Variants in CSGALNACT1 observed in about 807,000 individuals in gnomAD.
CSGALNACT1 encodes the protein chondroitin sulfate N-acetylgalactosaminyltransferase 1.
Under a neutral mutation model 51.0 loss-of-function variants are expected in CSGALNACT1, and 52 were observed. That is an observed-to-expected ratio of 1.02 (90% CI 0.82 to 1.29). The LOEUF (loss-of-function observed/expected upper bound fraction) is 1.29, where lower values mean the gene tolerates loss of function less well. Among genes scored for constraint, CSGALNACT1 ranks in the 50% most tolerant of loss-of-function variants. The pLI, the probability that CSGALNACT1 is intolerant of heterozygous loss-of-function variation, is 0.00. For missense variants in CSGALNACT1, 935 were observed against 679.2 expected (o/e 1.38, Z -4.19); for synonymous variants, 341 against 254.4 (o/e 1.34, Z -3.24).
intron 4 of CSGALNACT1, among the ~76,000 whole-genome samples, chr8:19,474,878 AAAAAAAAAG>A (rs1164091186): frequency 1.3e-5 from 2 of 150,702 alleles, no homozygotes; most frequent in African/African-American, 4.9e-5. Flanking sequence ...AGAAAAAAAA[AAAAAAAAAG>A]AAAAAAAAAA....
intron 1 of CSGALNACT1, among the ~76,000 whole-genome samples, chr8:19,697,776 G>T (rs2061657890): frequency 6.6e-6 from 1 of 152,154 alleles, no homozygotes; most frequent in Non-Finnish European, 1.5e-5. Context: ...GGACTCTGGA[G>T]TTCAGAAAAA....
chr8:19,534,356 C>A (rs1036638110), intron 3 of CSGALNACT1, among the ~76,000 whole-genome samples: 1 of 151,960 alleles, frequency 6.6e-6, no homozygotes, highest in Non-Finnish European at 1.5e-5. Context: ...GAGGCTGAGG[C>A]AGCAGAATAG....
intron 3 of CSGALNACT1, among the ~76,000 whole-genome samples, chr8:19,549,513 C>T (rs1267677991): frequency 1.3e-5 from 2 of 152,056 alleles, no homozygotes; most frequent in African/African-American, 2.4e-5. Flanking sequence ...TTTCCTCAGG[C>T]CATCCTTCCT....
chr8:19,434,006 G>C (rs903720770), intron 6 of CSGALNACT1, among the ~76,000 whole-genome samples: 1 of 152,128 alleles, frequency 6.6e-6, no homozygotes, highest in South Asian at 2.1e-4. Context: ...TGGAGTCAGG[G>C]ATGGGAATAG....
intron 1 of CSGALNACT1, among the ~76,000 whole-genome samples, chr8:19,715,472 T>C (rs2062752710): frequency 6.6e-6 from 1 of 152,242 alleles, no homozygotes; most frequent in Non-Finnish European, 1.5e-5. Context: ...TTCCTTTTTA[T>C]GGCTGCATAG....
At chr8:19,463,095 A>G (rs147740291) in intron 4 of CSGALNACT1, among the ~76,000 whole-genome samples, 46 of 152,234 alleles carry the variant, frequency 3.0e-4, no homozygotes, top group Non-Finnish European at 6.0e-4. Context: ...CGGTTTCTGC[A>G]TTCACTTAGA....
intron 1 of CSGALNACT1, among the ~76,000 whole-genome samples, chr8:19,695,391 T>C (rs1246268313): frequency 2.6e-5 from 4 of 152,154 alleles, no homozygotes. Flanking sequence ...GGGTCTTATC[T>C]CTACTCTGCC....
intron 8 of CSGALNACT1, among the ~76,000 whole-genome samples, chr8:19,411,143 C>T (rs1324838483): frequency 6.6e-6 from 1 of 152,200 alleles, no homozygotes; most frequent in Non-Finnish European, 1.5e-5. Flanking sequence ...CACCCTTTCC[C>T]CACACACCAC....
At chr8:19,523,275 C>T (rs1385059981) in intron 3 of CSGALNACT1, among the ~76,000 whole-genome samples, 1 of 152,052 alleles carries the variant, frequency 6.6e-6, no homozygotes, top group Non-Finnish European at 1.5e-5. Flanking sequence ...TTTTTACTTA[C>T]TTATTTGGAG....
upstream of CSGALNACT1, among the ~76,000 whole-genome samples, chr8:19,604,890 G>A (rs2051137954): frequency 6.7e-6 from 1 of 149,096 alleles, no homozygotes; most frequent in Non-Finnish European, 1.5e-5. Context: ...CCTCCAGCCT[G>A]GGCGACAGAG....
chr8:19,479,415 G>A, intron 4 of CSGALNACT1, among the ~76,000 whole-genome samples: 1 of 152,214 alleles, frequency 6.6e-6, no homozygotes, highest in East Asian at 1.9e-4. Flanking sequence ...CAGTAGTCCA[G>A]GCTGGCCTTT....
At chr8:19,658,836 A>G (rs1470467413) in intron 1 of CSGALNACT1, among the ~76,000 whole-genome samples, 1 of 152,168 alleles carries the variant, frequency 6.6e-6, no homozygotes, top group Non-Finnish European at 1.5e-5. Flanking sequence ...CAACTACTTT[A>G]AGGGAATTGA....
chr8:19,655,577 C>CATATAT (rs746855609), intron 1 of CSGALNACT1, among the ~76,000 whole-genome samples: 8 of 147,538 alleles, frequency 5.4e-5, no homozygotes, highest in African/African-American at 2.0e-4. Flanking sequence ...CACACACACA[C>CATATAT]ACATATATAT....
At chr8:19,707,254 C>T (rs987323150) in intron 1 of CSGALNACT1, among the ~76,000 whole-genome samples, 1 of 152,158 alleles carries the variant, frequency 6.6e-6, no homozygotes, top group Non-Finnish European at 1.5e-5. Flanking sequence ...TCAAGCAGTT[C>T]TACATCCATA....
At chr8:19,675,390 T>C (rs1260908305) in intron 1 of CSGALNACT1, among the ~76,000 whole-genome samples, 1 of 152,046 alleles carries the variant, frequency 6.6e-6, no homozygotes, top group Non-Finnish European at 1.5e-5. Flanking sequence ...ATCAGATAAA[T>C]CTTACAGAAA....
Position 19,620,925 on chromosome 8 carries a change from C to T in CSGALNACT1, c.-543-19060G>A, listed in dbSNP as rs2053743271. Among the ~76,000 whole-genome samples, 3 of 152,130 alleles carry T rather than the reference C, an allele frequency of 2.0e-5. No homozygotes were observed. The South Asian group carries it at 6.2e-4, about 32-fold the overall frequency. On this transcript the variant is annotated intron_variant, in intron 1 of 9. Transcript: ENST00000332246. Reference sequence around the variant, plus strand: ...AAGTGGGGGCTGTGAGATACTCTCACACCCCAAATCTGCTAGAAGAACAGT... The same window carrying T: ...AAGTGGGGGCTGTGAGATACTCTCATACCCCAAATCTGCTAGAAGAACAGT...
chr8:19,581,363 A>G (rs1172082234), intron 3 of CSGALNACT1, among the ~76,000 whole-genome samples: 3 of 152,250 alleles, frequency 2.0e-5, no homozygotes, highest in African/African-American at 7.2e-5. Flanking sequence ...CCTACTTTGC[A>G]ATTAGTAAAA....
intron 6 of CSGALNACT1, among the ~76,000 whole-genome samples, chr8:19,424,190 G>T (rs1033468445): frequency 2.0e-5 from 3 of 152,156 alleles, no homozygotes; most frequent in African/African-American, 7.2e-5. Flanking sequence ...AAGGCAGGGT[G>T]GGGACAGAGT....
intron 1 of CSGALNACT1, among the ~76,000 whole-genome samples, chr8:19,644,219 A>G (rs1564335239): frequency 6.6e-6 from 1 of 152,134 alleles, no homozygotes; most frequent in Non-Finnish European, 1.5e-5. Context: ...AAATATACCA[A>G]AATAATTAAT....
Sources: gnomAD v4.1 joint callset for allele counts (sites outside exome capture counted in the v4.1 genomes callset) on GRCh38, gnomAD v4.1.1 for gene constraint, MANE v1.5 for transcripts, NCBI Gene and HGNC (gene_info 2026-07-23, HGNC 2026-07-21) for gene names.